ATP8A1: variants seen among roughly 807,000 people sequenced by gnomAD.
The protein encoded by ATP8A1 is phospholipid-transporting ATPase IA.
ATP8A1 carries 90 observed loss-of-function variants against 177.7 expected under a neutral mutation model. The observed-to-expected ratio is 0.51, with a 90% CI of 0.43 to 0.60. ATP8A1 has a LOEUF of 0.60. ATP8A1 is among the 20% of genes least tolerant of loss of function. ATP8A1 has a pLI of 0.00. For missense variants in ATP8A1, 1,072 were observed against 1,392.8 expected (o/e 0.77, Z 3.67); for synonymous variants, 493 against 485.9 (o/e 1.01, Z -0.19).
chr4:42,554,857 T>G (rs1417718774), intron 16 of ATP8A1, among the ~76,000 whole-genome samples: 1 of 152,150 alleles, frequency 6.6e-6, no homozygotes, highest in African/African-American at 2.4e-5. Context: ...TCTAATCAGC[T>G]GCCAGCATGG....
At chr4:42,442,892 T>C (rs1716785270) in intron 33 of ATP8A1, among the ~76,000 whole-genome samples, 1 of 152,186 alleles carries the variant, frequency 6.6e-6, no homozygotes, top group Non-Finnish European at 1.5e-5. Context: ...CTTTTATACA[T>C]TTTATGTCAA....
intron 35 of ATP8A1, among the ~76,000 whole-genome samples, chr4:42,420,353 T>C (rs1360420904): frequency 6.6e-6 from 1 of 152,228 alleles, no homozygotes; most frequent in Non-Finnish European, 1.5e-5. Context: ...AGCTAACACA[T>C]TCCTGAGTTC....
chr4:42,460,807 T>C (rs756502507), intron 27 of ATP8A1, among the ~76,000 whole-genome samples: 29 of 152,204 alleles, frequency 1.9e-4, no homozygotes, highest in Non-Finnish European at 3.2e-4. Flanking sequence ...TGGTGGGTCC[T>C]TGACAGGAGT....
chr4:42,461,586 T>C (rs540160144), intron 27 of ATP8A1, among the ~76,000 whole-genome samples: 1 of 152,316 alleles, frequency 6.6e-6, no homozygotes, highest in African/African-American at 2.4e-5. Context: ...TGTAAGTCCA[T>C]TAAACCTCTT....
chr4:42,638,140 A>G (rs1355634605), intron 1 of ATP8A1, among the ~76,000 whole-genome samples: 1 of 152,218 alleles, frequency 6.6e-6, no homozygotes, highest in East Asian at 1.9e-4. Context: ...AAGGCATCCA[A>G]AAATTCCCAG....
intron 20 of ATP8A1, among the ~76,000 whole-genome samples, chr4:42,539,399 C>CA (rs1728165058): frequency 6.9e-6 from 1 of 144,856 alleles, no homozygotes; most frequent in African/African-American, 2.5e-5. Context: ...TAAAATACCC[C>CA]CCCCCCAACA....
At chr4:42,569,036 C>G in intron 15 of ATP8A1, 125 bp downstream of exon 15, 1 of 365,150 alleles carries the variant, frequency 2.7e-6, no homozygotes, top group Non-Finnish European at 4.5e-6. Context: ...GTTACCCTAA[C>G]TGCTCAGCAA....
chr4:42,549,057 C>G lies in ATP8A1; in HGVS notation c.1608G>C (p.Gly536=), dbSNP rs144542894. 2 of 1,610,120 alleles carry G rather than the reference C, an allele frequency of 1.2e-6. No homozygotes were observed. The highest frequency in any genetic ancestry group is 2.2e-5 in the South Asian group (2 of 90,626). The change falls in exon 19 of 37, where the codon GGG becomes GGC. Residue 536 remains glycine, a synonymous_variant. Coordinates refer to ENST00000381668, the MANE Select transcript of ATP8A1 (RefSeq NM_006095.2). ...TGAGCAATTCATATCTTTCTTCCTG[C>G]CCCAGCTAAGAAGAAAAGGAATATA... ...TPDSVIIDSL[G]QEERYELLNV... is the part of the protein sequence containing the mutation.
chr4:42,621,598 T>C (rs1442251801), intron 4 of ATP8A1, among the ~76,000 whole-genome samples: 3 of 152,242 alleles, frequency 2.0e-5, no homozygotes, highest in Non-Finnish European at 4.4e-5. Context: ...AAACATTCCA[T>C]GCTGCTGGAT....
At chr4:42,594,269 G>A in intron 6 of ATP8A1, 1 of 1,483,960 alleles carries the variant, frequency 6.7e-7, no homozygotes, top group Non-Finnish European at 9.4e-7. Context: ...CACTGTTTGA[G>A]CATCAGTAGG....
At chr4:42,514,856 G>A (rs1191656921) in intron 22 of ATP8A1, among the ~76,000 whole-genome samples, 2 of 152,024 alleles carry the variant, frequency 1.3e-5, no homozygotes, top group African/African-American at 4.8e-5. Context: ...ACCTAATAAC[G>A]TAGATTTAAT....
chr4:42,474,581 G>C (rs1474871777), intron 25 of ATP8A1, among the ~76,000 whole-genome samples: 4 of 152,198 alleles, frequency 2.6e-5, no homozygotes, highest in African/African-American at 9.7e-5. Flanking sequence ...AAGGCACAGA[G>C]CCAGGCAGGG....
At chr4:42,579,508 C>T (rs1288132921) in intron 11 of ATP8A1, among the ~76,000 whole-genome samples, 1 of 149,922 alleles carries the variant, frequency 6.7e-6, no homozygotes, top group Admixed American at 6.7e-5. Context: ...TATAGTTAAC[C>T]ACCTATGTTA....
intron 35 of ATP8A1, among the ~76,000 whole-genome samples, chr4:42,416,962 G>A (rs191121836): frequency 6.6e-6 from 1 of 152,286 alleles, no homozygotes; most frequent in Non-Finnish European, 1.5e-5. Context: ...GTGTGTTGCT[G>A]CACATGGGTT....
At chr4:42,429,108 C>T (rs995492055) in intron 33 of ATP8A1, among the ~76,000 whole-genome samples, 1 of 152,148 alleles carries the variant, frequency 6.6e-6, no homozygotes, top group Non-Finnish European at 1.5e-5. Context: ...GGACCCTGTT[C>T]TTGAGATGTG....
intron 1 of ATP8A1, among the ~76,000 whole-genome samples, chr4:42,654,953 C>T (rs1395719765): frequency 6.6e-6 from 1 of 152,180 alleles, no homozygotes; most frequent in Admixed American, 6.5e-5. Context: ...AGGCAATGAG[C>T]CACAACGCCA....
intron 1 of ATP8A1, among the ~76,000 whole-genome samples, chr4:42,642,785 A>G (rs537234926): frequency 1.5e-4 from 23 of 152,328 alleles, no homozygotes; most frequent in Admixed American, 6.5e-4. Context: ...GAATCATGAA[A>G]TTAGCTCCCT....
intron 5 of ATP8A1, among the ~76,000 whole-genome samples, chr4:42,605,468 T>C (rs989668757): frequency 1.3e-5 from 2 of 152,186 alleles, no homozygotes; most frequent in African/African-American, 4.8e-5. Flanking sequence ...TTGGGTGCCA[T>C]TTAACACATG....
intron 5 of ATP8A1, among the ~76,000 whole-genome samples, chr4:42,603,573 C>A (rs1180719338): frequency 6.6e-6 from 1 of 152,098 alleles, no homozygotes; most frequent in Non-Finnish European, 1.5e-5. Flanking sequence ...TCATATGCCT[C>A]CCTGTTTATC....
Sources: gnomAD v4.1 joint callset for allele counts (sites outside exome capture counted in the v4.1 genomes callset) on GRCh38, gnomAD v4.1.1 for gene constraint, MANE v1.5 for transcripts, NCBI Gene and HGNC (gene_info 2026-07-23, HGNC 2026-07-21) for gene names.